TANC2: variants seen among roughly 807,000 people sequenced by gnomAD.
The protein encoded by TANC2 is protein TANC2.
Under a neutral mutation model 210.5 loss-of-function variants are expected in TANC2, and 26 were observed. The ratio of observed to expected loss-of-function variants is 0.12; its 90% CI spans 0.09 to 0.17. The LOEUF (loss-of-function observed/expected upper bound fraction) is 0.17. Ranked by LOEUF, TANC2 falls within the 10% of genes least tolerant of loss-of-function variation. TANC2 has a pLI of 1.00. For missense variants in TANC2, 2,129 were observed against 2,608.9 expected (o/e 0.82, Z 4.01); for synonymous variants, 931 against 967.1 (o/e 0.96, Z 0.69).
chr17:63,086,659 A>G (rs1425377251), intron 3 of TANC2, among the ~76,000 whole-genome samples: 1 of 152,186 alleles, frequency 6.6e-6, no homozygotes, highest in Non-Finnish European at 1.5e-5. Flanking sequence ...GAACCAGTTT[A>G]TAGCAGGGTG....
chr17:63,222,829 A>T (rs2042231919), intron 7 of TANC2, among the ~76,000 whole-genome samples: 1 of 152,182 alleles, frequency 6.6e-6, no homozygotes, highest in South Asian at 2.1e-4. Flanking sequence ...AACAGATACT[A>T]CATGAATGTT....
At chr17:62,971,100 A>C (rs2031666921) in intron 1 of TANC2, among the ~76,000 whole-genome samples, 1 of 152,178 alleles carries the variant, frequency 6.6e-6, no homozygotes, top group African/African-American at 2.4e-5. Flanking sequence ...TAATACCGTG[A>C]GAATACCGCT....
In TANC2 at chr17:63,270,408, A is replaced by G. The variant is rs537016319; in HGVS notation, c.1159+2535A>G. ...GTTGTACTTTATTTCAGAAAAAATC[A>G]GATTTGTTTTCCTGGAATAATTTTT... is the stretch of plus-strand genomic sequence containing the variant. On this transcript the variant is annotated intron_variant, in intron 9 of 27. Transcript: ENST00000689528. Among the ~76,000 whole-genome samples the G allele has an allele frequency of 3.9e-5, 6 of 152,282 alleles. No homozygotes were observed. The East Asian group carries it at 1.2e-3, about 29-fold the overall frequency.
intron 3 of TANC2, among the ~76,000 whole-genome samples, chr17:63,090,293 A>T (rs911760382): frequency 6.7e-6 from 1 of 148,886 alleles, no homozygotes; most frequent in Non-Finnish European, 1.5e-5. Flanking sequence ...TACGTGTGCC[A>T]TGTTGGTGTG....
intron 9 of TANC2, chr17:63,313,210 G>A (rs1452139729): frequency 1.3e-5 from 2 of 152,168 alleles, no homozygotes; most frequent in South Asian, 2.1e-4. Context: ...GAGTTAGAGT[G>A]TAATACCTTA....
intron 3 of TANC2, among the ~76,000 whole-genome samples, chr17:63,077,659 A>G (rs1219011583): frequency 6.6e-6 from 1 of 152,228 alleles, no homozygotes; most frequent in Non-Finnish European, 1.5e-5. Context: ...GTTCTGAACT[A>G]CAGGGAAGAT....
chr17:63,185,828 A>G (rs564692325), intron 5 of TANC2, among the ~76,000 whole-genome samples: 3 of 152,136 alleles, frequency 2.0e-5, no homozygotes, highest in South Asian at 4.1e-4. Context: ...TCTTTTGTCT[A>G]TTTTTTAATT....
At chr17:63,161,655 C>CTCTT (rs1567774984) in intron 5 of TANC2, among the ~76,000 whole-genome samples, 2 of 152,156 alleles carry the variant, frequency 1.3e-5, no homozygotes, top group African/African-American at 4.8e-5. Flanking sequence ...AGTTGGAATA[C>CTCTT]TCTAAGACCT....
In TANC2 at chr17:63,034,240, G is replaced by A. The variant is rs140847699; in HGVS notation, c.67+24614G>A. Among the ~76,000 whole-genome samples the A allele has an allele frequency of 3.0e-3, 458 of 152,244 alleles. 1 individual carries two copies. Among genetic ancestry groups the A allele is most frequent in the African/African-American group, 0.01 (420 of 41,544 alleles). On this transcript the variant is annotated intron_variant, in intron 2 of 27. Transcript: ENST00000689528. ...TGACTTTAAATTGAAGCCAGTACTC[G>A]TTTACCATTTCCAGAATTCTAGGGT...
intron 3 of TANC2, among the ~76,000 whole-genome samples, chr17:63,094,319 A>G (rs1474611054): frequency 6.6e-6 from 1 of 152,162 alleles, no homozygotes; most frequent in East Asian, 1.9e-4. Flanking sequence ...TCTGAGTTAA[A>G]AAGACATTTG....
intron 8 of TANC2, among the ~76,000 whole-genome samples, chr17:63,254,936 C>G (rs948006860): frequency 3.3e-5 from 5 of 151,828 alleles, no homozygotes; most frequent in Non-Finnish European, 5.9e-5. Context: ...CTGTGGTTTT[C>G]TTGTTTTCAT....
At chr17:63,283,274 C>G (rs1955604158) in intron 9 of TANC2, among the ~76,000 whole-genome samples, 1 of 151,858 alleles carries the variant, frequency 6.6e-6, no homozygotes, top group African/African-American at 2.4e-5. Context: ...AATTATTCAT[C>G]CATAGATATA....
exon 22 of TANC2, chr17:63,411,639 G>A (rs2048705935): frequency 6.2e-7 from 1 of 1,613,908 alleles, no homozygotes; most frequent in Non-Finnish European, 8.5e-7. Flanking sequence ...TGACAAGAAT[G>A]GCCGTACCCC....
chr17:63,005,411 C>T (rs918733797), intron 1 of TANC2, among the ~76,000 whole-genome samples: 6 of 151,606 alleles, frequency 4.0e-5, no homozygotes, highest in African/African-American at 1.5e-4. Context: ...TTCAACATTG[C>T]TTTGGTGTTT....
intron 2 of TANC2, among the ~76,000 whole-genome samples, chr17:63,037,419 G>A (rs2035015582): frequency 6.6e-6 from 1 of 152,112 alleles, no homozygotes; most frequent in Non-Finnish European, 1.5e-5. Flanking sequence ...TTAACTGTGG[G>A]TAACTGAAAC....
chr17:63,398,979 C>G, intron 19 of TANC2, 65 bp downstream of exon 19: 2 of 1,226,286 alleles, frequency 1.6e-6, no homozygotes, highest in Non-Finnish European at 2.3e-6. Context: ...AATCTCACCC[C>G]CTTATTTTTT....
intron 10 of TANC2, 69 bp downstream of exon 10, chr17:63,314,738 G>C: frequency 6.5e-7 from 1 of 1,550,374 alleles, no homozygotes; most frequent in African/African-American, 1.4e-5. Flanking sequence ...ATTTATATTA[G>C]GTCGTATATC....
intron 9 of TANC2, among the ~76,000 whole-genome samples, chr17:63,294,405 T>C (rs544518417): frequency 7.2e-5 from 11 of 152,224 alleles, no homozygotes; most frequent in Non-Finnish European, 1.5e-4. Flanking sequence ...GCCTGGGAGG[T>C]TGAGACTGCA....
intron 2 of TANC2, among the ~76,000 whole-genome samples, chr17:63,026,472 A>G (rs936091332): frequency 6.6e-6 from 1 of 152,210 alleles, no homozygotes; most frequent in African/African-American, 2.4e-5. Flanking sequence ...AGTAGGAATA[A>G]AGAGACAGAG....
Sources: allele counts gnomAD v4.1 joint callset (sites outside exome capture counted in the v4.1 genomes callset), GRCh38; gene constraint gnomAD v4.1.1; transcripts MANE v1.5; gene names NCBI Gene and HGNC (gene_info 2026-07-23, HGNC 2026-07-21).